HS2ST1: variants seen among roughly 807,000 people sequenced by gnomAD.
The protein encoded by HS2ST1 is 2-O-sulfotransferase.
A neutral mutation model predicts 42.9 loss-of-function variants in HS2ST1; 18 were observed. That is an observed-to-expected ratio of 0.42 (90% CI 0.29 to 0.62). HS2ST1 has a LOEUF of 0.62. Ranked by LOEUF, HS2ST1 falls within the 20% of genes least tolerant of loss-of-function variation. HS2ST1 has a pLI of 0.21. For synonymous variants in HS2ST1, 146 were observed against 152.9 expected (o/e 0.95, Z 0.33); for missense variants, 334 against 433.8 (o/e 0.77, Z 2.04).
At chr1:86,964,411 A>G (rs972033468) in intron 1 of HS2ST1, among the ~76,000 whole-genome samples, 6 of 152,260 alleles carry the variant, frequency 3.9e-5, no homozygotes, top group South Asian at 2.1e-4. Flanking sequence ...CGAGGCTGGC[A>G]GATCACTCAC....
chr1:87,032,920 C>CT (rs1650274449), intron 1 of HS2ST1, among the ~76,000 whole-genome samples: 1 of 152,066 alleles, frequency 6.6e-6, no homozygotes, highest in Non-Finnish European at 1.5e-5. Context: ...GATTACTGTC[C>CT]TTTGCAAAAA....
At chr1:87,082,700 T>C (rs895935317) in intron 2 of HS2ST1, among the ~76,000 whole-genome samples, 5 of 152,228 alleles carry the variant, frequency 3.3e-5, no homozygotes, top group Admixed American at 3.3e-4. Context: ...ATGTTAAAGA[T>C]GCAGGCTCTG....
intron 1 of HS2ST1, among the ~76,000 whole-genome samples, chr1:86,957,792 GA>G (rs1430819103): frequency 7.0e-6 from 1 of 142,202 alleles, no homozygotes; most frequent in East Asian, 2.0e-4. Flanking sequence ...GGTTTTTTTA[GA>G]TTTTTTTTTT....
chr1:86,930,936 G>A (rs1660528620), intron 1 of HS2ST1, among the ~76,000 whole-genome samples: 1 of 152,038 alleles, frequency 6.6e-6, no homozygotes, highest in Admixed American at 6.6e-5. Context: ...GGCATTTATA[G>A]TATGTTGTGT....
chr1:86,971,668 G>A (rs985836508), intron 1 of HS2ST1, among the ~76,000 whole-genome samples: 1 of 152,134 alleles, frequency 6.6e-6, no homozygotes, highest in African/African-American at 2.4e-5. Context: ...GTCCCTTGTA[G>A]TGTATATCTA....
At chr1:86,930,683 A>C (rs978779158) in intron 1 of HS2ST1, among the ~76,000 whole-genome samples, 1 of 151,896 alleles carries the variant, frequency 6.6e-6, no homozygotes, top group Non-Finnish European at 1.5e-5. Context: ...ATCCTCCCCT[A>C]TTCCTCCCAC....
chr1:87,062,627 C>G (rs1367953081), intron 1 of HS2ST1, among the ~76,000 whole-genome samples: 1 of 152,090 alleles, frequency 6.6e-6, no homozygotes, highest in Non-Finnish European at 1.5e-5. Flanking sequence ...TTTTTACTCT[C>G]CATTTTTTTG....
chr1:87,015,546 G>T lies in HS2ST1; in HGVS notation c.125-57388G>T, dbSNP rs191980626. ...TTTTTAGTGGAGACAGGGTTTCACC[G>T]TGTTAGCCAAGATCGTCTTGATTTC... On this transcript the variant is annotated intron_variant, in intron 1 of 6. Transcript: ENST00000370550. Among the ~76,000 whole-genome samples the T allele has an allele frequency of 4.9e-3, 728 of 149,820 alleles. 6 individuals are homozygous for T. Among genetic ancestry groups the T allele is most frequent in the Non-Finnish European group, 7.6e-3 (510 of 67,366 alleles).
intron 4 of HS2ST1, among the ~76,000 whole-genome samples, chr1:87,093,649 G>A (rs189735011): frequency 7.1e-4 from 108 of 152,096 alleles, no homozygotes; most frequent in Admixed American, 1.6e-3. Context: ...ATTCATCTTC[G>A]TTTCCTCAGA....
intron 1 of HS2ST1, among the ~76,000 whole-genome samples, chr1:87,060,461 T>A (rs1651089843): frequency 6.6e-6 from 1 of 152,166 alleles, no homozygotes; most frequent in Non-Finnish European, 1.5e-5. Context: ...TAGAGTCACA[T>A]TGACCTGTAA....
chr1:86,953,065 C>T (rs149210089), intron 1 of HS2ST1, among the ~76,000 whole-genome samples: 253 of 152,296 alleles, frequency 1.7e-3, no homozygotes, highest in African/African-American at 5.7e-3. Flanking sequence ...CCTAGCTAGA[C>T]GGGGATAACT....
intron 1 of HS2ST1, among the ~76,000 whole-genome samples, chr1:86,922,054 C>T (rs1174660317): frequency 6.6e-6 from 1 of 152,096 alleles, no homozygotes; most frequent in East Asian, 1.9e-4. Context: ...TATTTGTTTT[C>T]TGTTTATCTT....
chr1:87,046,634 A>C (rs1411219893), intron 1 of HS2ST1: 5 of 1,556,116 alleles, frequency 3.2e-6, no homozygotes, highest in African/African-American at 1.4e-5. Context: ...AGAAGAAACG[A>C]ATGCATCAGA....
At chr1:87,075,750 C>G (rs966909281) in intron 2 of HS2ST1, among the ~76,000 whole-genome samples, 1 of 151,980 alleles carries the variant, frequency 6.6e-6, no homozygotes, top group Non-Finnish European at 1.5e-5. Context: ...AACTGTTTAC[C>G]TGCTTAATTA....
At chr1:87,039,976 A>C (rs1650478089) in intron 1 of HS2ST1, among the ~76,000 whole-genome samples, 1 of 152,148 alleles carries the variant, frequency 6.6e-6, no homozygotes, top group Non-Finnish European at 1.5e-5. Context: ...TGTAGGCTTT[A>C]AAAAAATCTG....
intron 1 of HS2ST1, among the ~76,000 whole-genome samples, chr1:86,947,255 ACAGG>A (rs1647368444): frequency 6.6e-6 from 1 of 152,370 alleles, no homozygotes; most frequent in South Asian, 2.1e-4. Context: ...AGCTTGCAGG[ACAGG>A]CAGAAATGTG....
chr1:87,091,818 A>C (rs1379460209), intron 3 of HS2ST1, among the ~76,000 whole-genome samples: 3 of 152,038 alleles, frequency 2.0e-5, no homozygotes, highest in Non-Finnish European at 2.9e-5. Flanking sequence ...TAGGGTTTGC[A>C]AGGGTTGCTA....
chr1:87,058,635 A>G (rs1651037051), intron 1 of HS2ST1, among the ~76,000 whole-genome samples: 2 of 151,584 alleles, frequency 1.3e-5, no homozygotes. Context: ...TTAGGAGTAT[A>G]AGCTTTGGTA....
At chr1:87,001,667 G>A (rs1022394951) in intron 1 of HS2ST1, among the ~76,000 whole-genome samples, 4 of 152,236 alleles carry the variant, frequency 2.6e-5, no homozygotes, top group Non-Finnish European at 1.5e-5. Context: ...AGTCGGGAGT[G>A]CAATGGCACG....
Sources: gnomAD v4.1 joint callset for allele counts (sites outside exome capture counted in the v4.1 genomes callset) on GRCh38, gnomAD v4.1.1 for gene constraint, MANE v1.5 for transcripts, NCBI Gene and HGNC (gene_info 2026-07-23, HGNC 2026-07-21) for gene names.